Variants in UNC13C observed in about 807,000 individuals in gnomAD.
UNC13C encodes unc-13 homolog C.
A neutral mutation model predicts 245.4 loss-of-function variants in UNC13C; 174 were observed. The ratio of observed to expected loss-of-function variants is 0.71; its 90% CI spans 0.63 to 0.80. UNC13C has a LOEUF of 0.80. Ranked by LOEUF, UNC13C falls within the 30% of genes least tolerant of loss-of-function variation. UNC13C has a pLI of 0.00. For missense variants in UNC13C, 2,829 were observed against 2,602.9 expected, an observed-to-expected ratio of 1.09 and a Z score of -1.89; for synonymous variants, 992 against 895.1, an observed-to-expected ratio of 1.11 and a Z score of -1.93.
At chr15:53,860,510 T>C in the UNC13C span, among the ~76,000 whole-genome samples, 3 of 152,134 alleles carry the variant, frequency 2.0e-5, no homozygotes. Flanking sequence ...GGGTTTCTCA[T>C]TCCATTCTTG....
At chr15:54,456,157 T>C (rs1358111186) in intron 19 of UNC13C, among the ~76,000 whole-genome samples, 1 of 152,156 alleles carries the variant, frequency 6.6e-6, no homozygotes, top group African/African-American at 2.4e-5. Flanking sequence ...ATCAGTTGGC[T>C]GTGAGGATTT....
At chr15:54,432,414 G>A (rs2040890472) in intron 19 of UNC13C, among the ~76,000 whole-genome samples, 1 of 151,726 alleles carries the variant, frequency 6.6e-6, no homozygotes. Context: ...AAGGGTTTGT[G>A]CAATCAAATT....
chr15:54,087,111 C>G (rs1335510523), intron 2 of UNC13C, among the ~76,000 whole-genome samples: 3 of 152,134 alleles, frequency 2.0e-5, no homozygotes, highest in African/African-American at 7.2e-5. Flanking sequence ...GGACATTGAA[C>G]ATACATGATT....
chr15:54,066,837 T>C (rs1375082456), intron 2 of UNC13C, among the ~76,000 whole-genome samples: 1 of 152,200 alleles, frequency 6.6e-6, no homozygotes, highest in Admixed American at 6.5e-5. Context: ...TCCAGCATGA[T>C]ACTCCAGAAG....
At chr15:54,105,823 G>A (rs1198738694) in intron 2 of UNC13C, among the ~76,000 whole-genome samples, 2 of 152,188 alleles carry the variant, frequency 1.3e-5, no homozygotes, top group African/African-American at 4.8e-5. Flanking sequence ...ACAGTAAACA[G>A]AATAATTGGA....
At chr15:54,258,174 A>AG (rs2036328562) in intron 8 of UNC13C, among the ~76,000 whole-genome samples, 1 of 151,668 alleles carries the variant, frequency 6.6e-6, no homozygotes, top group Non-Finnish European at 1.5e-5. Flanking sequence ...AAAAAAATAA[A>AG]TAAGTTATTT....
At chr15:54,387,966 C>T (rs2140909295) in intron 17 of UNC13C, among the ~76,000 whole-genome samples, 1 of 152,172 alleles carries the variant, frequency 6.6e-6, no homozygotes, top group African/African-American at 2.4e-5. Flanking sequence ...AGCACTTATA[C>T]ACACACACAA....
At chr15:54,380,578 AT>A (rs1470660027) in intron 17 of UNC13C, among the ~76,000 whole-genome samples, 1 of 152,136 alleles carries the variant, frequency 6.6e-6, no homozygotes. Flanking sequence ...TTACATTCCC[AT>A]CAAAAGTGTG....
At chr15:54,464,982 T>C (rs1384399548) in intron 19 of UNC13C, among the ~76,000 whole-genome samples, 1 of 151,998 alleles carries the variant, frequency 6.6e-6, no homozygotes, top group Admixed American at 6.6e-5. Context: ...TTATAACAAA[T>C]ACATACAAAT....
chr15:54,193,701 T>A (rs1377328264), intron 4 of UNC13C, among the ~76,000 whole-genome samples: 1 of 152,140 alleles, frequency 6.6e-6, no homozygotes. Context: ...GAGATTGAGG[T>A]GATAAGATGT....
chr15:54,013,493 A>T lies in UNC13C; in HGVS notation c.590A>T (p.Asp197Val). Residue 197 changes from aspartate to valine, a missense_variant, in exon 2 of 33, where the codon GAC becomes GTC. Physicochemically the swap from Asp to Val is radical, Grantham distance 152. Coordinates refer to ENST00000260323, the MANE Select transcript of UNC13C (RefSeq NM_001080534.3). ...AAGAGTCAAGAATGTGTCTCCTCAG[A>T]CTCAGAGTTAAGCACCATGAAAAAA... ...WKKSQECVSS[D>V]SELSTMKKSW... 1 of 1,613,838 alleles carries T rather than the reference A, an allele frequency of 6.2e-7. No individual in the cohort carries two copies. The highest frequency in any genetic ancestry group is 8.5e-7 in the Non-Finnish European group (1 of 1,179,828).
At chr15:54,382,930 C>T (rs1160948615) in intron 17 of UNC13C, among the ~76,000 whole-genome samples, 2 of 152,008 alleles carry the variant, frequency 1.3e-5, no homozygotes, top group Non-Finnish European at 1.5e-5. Context: ...ATACACTAAC[C>T]AACTGAAAAA....
the UNC13C span, among the ~76,000 whole-genome samples, chr15:53,885,685 G>C: frequency 0.016 from 2,454 of 152,186 alleles, 67 homozygotes; most frequent in African/African-American, 0.056. Flanking sequence ...TAGGAGAATC[G>C]ATCATGACCC....
At chr15:54,041,897 A>G (rs1454732403) in intron 2 of UNC13C, among the ~76,000 whole-genome samples, 6 of 152,200 alleles carry the variant, frequency 3.9e-5, no homozygotes, top group Non-Finnish European at 8.8e-5. Flanking sequence ...TTGGGGGTAT[A>G]GTGCCGTCAG....
At chr15:54,267,085 GT>G (rs1183639266) in intron 10 of UNC13C, among the ~76,000 whole-genome samples, 3 of 151,740 alleles carry the variant, frequency 2.0e-5, no homozygotes, top group African/African-American at 7.3e-5. Flanking sequence ...CCAGTTTTTG[GT>G]TAATGACAAC....
the UNC13C span, among the ~76,000 whole-genome samples, chr15:53,873,923 T>TCTTCCTTCCTTC: frequency 0.014 from 685 of 47,526 alleles, 11 homozygotes; most frequent in East Asian, 0.026. Flanking sequence ...TTCCTTCCTT[T>TCTTCCTTCCTTC]CTTCCTTCCT....
chr15:53,927,631 A>C, the UNC13C span, among the ~76,000 whole-genome samples: 1 of 152,208 alleles, frequency 6.6e-6, no homozygotes. Flanking sequence ...TGTACAGAAC[A>C]CAAGTGGTTA....
At chr15:54,421,002 A>G (rs1173423945) in intron 19 of UNC13C, among the ~76,000 whole-genome samples, 1 of 152,072 alleles carries the variant, frequency 6.6e-6, no homozygotes, top group Admixed American at 6.6e-5. Flanking sequence ...CTTTTGAAAC[A>G]TGCCCAGATT....
intron 19 of UNC13C, among the ~76,000 whole-genome samples, chr15:54,435,951 G>C (rs1417280119): frequency 6.6e-6 from 1 of 151,744 alleles, no homozygotes; most frequent in East Asian, 1.9e-4. Flanking sequence ...CTCAAAAAAA[G>C]ACAGTTATGT....
Sources: allele counts gnomAD v4.1 joint callset (sites outside exome capture counted in the v4.1 genomes callset), GRCh38; gene constraint gnomAD v4.1.1; transcripts MANE v1.5; gene names NCBI Gene and HGNC (gene_info 2026-07-23, HGNC 2026-07-21).